TMCO5A: variants seen among roughly 807,000 people sequenced by gnomAD.
TMCO5A encodes the protein transmembrane and coiled-coil domains 5A.
Under a neutral mutation model 42.3 loss-of-function variants are expected in TMCO5A, and 34 were observed. The ratio of observed to expected loss-of-function variants is 0.80; its 90% CI spans 0.61 to 1.07. TMCO5A has a LOEUF of 1.07. Among genes scored for constraint, TMCO5A ranks in the 50% least tolerant of loss-of-function variants. The probability of loss-of-function intolerance (pLI) is 0.00; values close to 1 mark genes in which losing one functional copy is unlikely to be tolerated. For synonymous variants in TMCO5A, 131 were observed against 115.6 expected, an observed-to-expected ratio of 1.13 and a Z score of -0.86; for missense variants, 357 against 327.9, an observed-to-expected ratio of 1.09 and a Z score of -0.69.
intron 11 of TMCO5A, among the ~76,000 whole-genome samples, chr15:37,965,788 A>C (rs1296807499): frequency 6.6e-6 from 1 of 152,134 alleles, no homozygotes; most frequent in African/African-American, 2.4e-5. Flanking sequence ...AAAAGGGAAC[A>C]CTCATACATT....
At chr15:38,017,479 G>A in the TMCO5A span, among the ~76,000 whole-genome samples, 3 of 152,122 alleles carry the variant, frequency 2.0e-5, no homozygotes, top group Non-Finnish European at 4.4e-5. Flanking sequence ...AGGAGCCAGA[G>A]AAATGGCTGT....
At chr15:37,995,649 GT>G in the TMCO5A span, among the ~76,000 whole-genome samples, 1 of 152,154 alleles carries the variant, frequency 6.6e-6, no homozygotes, top group African/African-American at 2.4e-5. Flanking sequence ...CCACTGTCAT[GT>G]TCCTGCAGTT....
rs144718098 is a variant in TMCO5A at position 37,937,361 on chromosome 15, A to T, written c.280A>T (p.Thr94Ser). The change falls in exon 5 of 12, where the codon ACG (threonine) becomes TCG (serine). Residue 94 changes from threonine to serine, a missense_variant. Physicochemically the swap from Thr to Ser is moderately conservative, Grantham distance 58 (BLOSUM62 1). Coordinates refer to ENST00000319669, the MANE Select transcript of TMCO5A (RefSeq NM_152453.4). ...ETARLERKNK[T>S]LVHSITELQQ... Reference sequence around the variant, plus strand: ...TCTCTCACAGGAAAGGAAGAATAAGACGTTGGTCCACAGTATAACAGAACT... The same window carrying T: ...TCTCTCACAGGAAAGGAAGAATAAGTCGTTGGTCCACAGTATAACAGAACT... 43 of 1,612,998 alleles carry T rather than the reference A, an allele frequency of 2.7e-5. No homozygotes were observed. The African/African-American group carries it at 5.3e-4, about 20-fold the overall frequency.
At position 37,936,411 on chromosome 15, in the gene TMCO5A, G is replaced by A. The variant is rs372341284; in HGVS notation, c.88G>A (p.Ala30Thr). 6.2e-7 allele frequency: 1 copy of A among 1,613,054 alleles called. No individual in the cohort carries two copies. Among genetic ancestry groups the A allele is most frequent in the Non-Finnish European group, 8.5e-7 (1 of 1,179,412 alleles). The change falls in exon 3 of 12, where the codon GCA becomes ACA. Residue 30 changes from alanine to threonine, a missense_variant. Coordinates refer to ENST00000319669, the MANE Select transcript of TMCO5A (RefSeq NM_152453.4). ...LERDTQRIDE[A>T]NQKLLLKIQE... ...AAGGGATACGCAGAGAATAGATGAA[G>A]CAAATCAGAAACTTCTTCTCAAAAT... is the stretch of plus-strand genomic sequence containing the variant.
the TMCO5A span, among the ~76,000 whole-genome samples, chr15:38,020,000 A>G: frequency 6.7e-6 from 1 of 149,406 alleles, no homozygotes; most frequent in African/African-American, 2.5e-5. Flanking sequence ...AATTAAAAAA[A>G]TTTTTTTTTA....
At chr15:38,020,677 A>G in the TMCO5A span, 1 of 152,332 alleles carries the variant, frequency 6.6e-6, no homozygotes, top group Admixed American at 6.5e-5. Context: ...TAATCATTGC[A>G]CAATTTATAT....
intron 10 of TMCO5A, chr15:37,944,513 A>G (rs1382715750): frequency 6.6e-6 from 1 of 152,132 alleles, no homozygotes; most frequent in Non-Finnish European, 1.5e-5. Flanking sequence ...TTGGCAGGCC[A>G]TGTAATCTTA....
chr15:38,023,046 T>G, the TMCO5A span, among the ~76,000 whole-genome samples: 1 of 152,214 alleles, frequency 6.6e-6, no homozygotes, highest in Non-Finnish European at 1.5e-5. Flanking sequence ...TGGCTTTAGT[T>G]GATGCTCTTT....
At chr15:37,941,574 C>T (rs1395158776) in intron 7 of TMCO5A, 97 bp from the exon 8 acceptor site, 2 of 906,616 alleles carry the variant, frequency 2.2e-6, no homozygotes, top group East Asian at 2.4e-5. Context: ...AATTAGAAAA[C>T]CACATTTAGG....
rs761620512 is a variant in TMCO5A at position 37,936,859 on chromosome 15, G to C, written c.153G>C (p.Glu51Asp). 3.1e-6 allele frequency: 5 copies of C among 1,611,924 alleles called. No homozygotes were observed. The highest frequency in any genetic ancestry group is 1.1e-5 in the South Asian group (1 of 91,018). The stretch of plus-strand genomic sequence containing the variant: ...TTGTGTTGTCCAGGCTGGAAAGTGA[G>C]ATCATTCAGACGCGGGGCCTGGTGG... The part of the protein sequence containing the change: ...REDKIQRLES[E>D]IIQTRGLVED... The change falls in exon 4 of 12, where the codon GAG becomes GAC. Residue 51 changes from glutamate to aspartate, a missense_variant. Coordinates refer to ENST00000319669, the MANE Select transcript of TMCO5A (RefSeq NM_152453.4).
chr15:37,974,713 C>A, the TMCO5A span, among the ~76,000 whole-genome samples: 12 of 151,826 alleles, frequency 7.9e-5, no homozygotes, highest in African/African-American at 2.9e-4. Flanking sequence ...ATGTGTTGAC[C>A]TTTTGTATGG....
chr15:37,969,071 C>T (rs776851076), downstream of TMCO5A, among the ~76,000 whole-genome samples: 2 of 152,022 alleles, frequency 1.3e-5, no homozygotes, highest in African/African-American at 4.8e-5. Context: ...AGATATATCA[C>T]GTGTATATAT....
At chr15:37,980,736 A>G in the TMCO5A span, among the ~76,000 whole-genome samples, 6 of 150,454 alleles carry the variant, frequency 4.0e-5, no homozygotes, top group Admixed American at 4.0e-4. Flanking sequence ...GTTTGTTCCC[A>G]CTGGGTGGCC....
chr15:38,021,456 G>C, the TMCO5A span, among the ~76,000 whole-genome samples: 2 of 23,840 alleles, frequency 8.4e-5, no homozygotes, highest in African/African-American at 3.5e-4. Flanking sequence ...ATGCATAGAA[G>C]GGTGCATGTG....
At chr15:37,965,215 G>GA (rs1268847092) in intron 11 of TMCO5A, among the ~76,000 whole-genome samples, 1 of 152,140 alleles carries the variant, frequency 6.6e-6, no homozygotes, top group Non-Finnish European at 1.5e-5. Context: ...TCCATATGCA[G>GA]AAAAATGAAA....
chr15:37,967,775 A>C (rs1890590657), downstream of TMCO5A: 1 of 152,134 alleles, frequency 6.6e-6, no homozygotes, highest in Admixed American at 6.5e-5. Context: ...CCTCGCTCCT[A>C]AATTGTCAGG....
At chr15:37,988,043 T>C in the TMCO5A span, among the ~76,000 whole-genome samples, 3 of 151,930 alleles carry the variant, frequency 2.0e-5, no homozygotes, top group South Asian at 2.1e-4. Flanking sequence ...TCAGCAATGT[T>C]TCATAATTTT....
intron 11 of TMCO5A, among the ~76,000 whole-genome samples, chr15:37,957,730 G>GA (rs1182537459): frequency 3.9e-5 from 6 of 152,018 alleles, no homozygotes; most frequent in African/African-American, 1.2e-4. Flanking sequence ...CAAAGAATCA[G>GA]AAAAAACTAC....
chr15:37,980,446 G>C, the TMCO5A span, among the ~76,000 whole-genome samples: 746 of 152,170 alleles, frequency 4.9e-3, 13 homozygotes, highest in African/African-American at 0.017. Context: ...GCTCCCTGCC[G>C]ATCCTGGGTG....
Sources: allele counts gnomAD v4.1 joint callset (sites outside exome capture counted in the v4.1 genomes callset), GRCh38; gene constraint gnomAD v4.1.1; transcripts MANE v1.5; gene names NCBI Gene and HGNC (gene_info 2026-07-23, HGNC 2026-07-21).